The following PCDHA5 variants were observed in gnomAD, a reference collection of about 807,000 sequenced individuals.
PCDHA5 encodes protocadherin alpha-5.
PCDHA5 carries 43 observed loss-of-function variants against 61.6 expected under a neutral mutation model. The ratio of observed to expected loss-of-function variants is 0.70; its 90% confidence interval spans 0.55 to 0.90. The LOEUF is 0.90. Among genes scored for constraint, PCDHA5 ranks in the 40% least tolerant of loss-of-function variants. The pLI, the probability that PCDHA5 is intolerant of heterozygous loss-of-function variation, is 0.00. For missense variants in PCDHA5, 1,298 were observed against 1,222.7 expected, an observed-to-expected ratio of 1.06 and a Z score of -0.92; for synonymous variants, 627 against 543.9, an observed-to-expected ratio of 1.15 and a Z score of -2.13.
intron 1 of PCDHA5, chr5:140,829,783 G>C: frequency 1.9e-6 from 3 of 1,613,808 alleles, no homozygotes; most frequent in African/African-American, 1.3e-5. Context: ...ACGCGCCGGC[G>C]CTGCTGGCGC....
chr5:140,980,036 G>A (rs952735379), intron 2 of PCDHA5, among the ~76,000 whole-genome samples: 9 of 152,294 alleles, frequency 5.9e-5, no homozygotes, highest in Non-Finnish European at 1.0e-4. Flanking sequence ...ATTACATTGG[G>A]TGCTATTTCT....
chr5:140,876,967 G>A (rs200960356), intron 1 of PCDHA5: 7 of 1,612,934 alleles, frequency 4.3e-6, no homozygotes, highest in African/African-American at 2.7e-5. Context: ...GGAGCGGCGG[G>A]TGGGCGAGCA....
At chr5:140,941,401 C>T (rs1200707950) in intron 1 of PCDHA5, among the ~76,000 whole-genome samples, 1 of 149,796 alleles carries the variant, frequency 6.7e-6, no homozygotes, top group Non-Finnish European at 1.5e-5. Flanking sequence ...ACTGCAACCT[C>T]CGCCTCCCGG....
intron 3 of PCDHA5, among the ~76,000 whole-genome samples, chr5:140,990,780 GACGATGA>G (rs1554251732): frequency 6.6e-6 from 1 of 152,192 alleles, no homozygotes; most frequent in Non-Finnish European, 1.5e-5. Flanking sequence ...CTCTGTGTTG[GACGATGA>G]ACCATGGAAT....
At chr5:140,892,624 A>C (rs1041078923) in intron 1 of PCDHA5, among the ~76,000 whole-genome samples, 28 of 152,166 alleles carry the variant, frequency 1.8e-4, no homozygotes, top group Non-Finnish European at 3.2e-4. Flanking sequence ...CAGTTGGTAC[A>C]TAATAATTGT....
chr5:140,998,220 C>G (rs1554256199), intron 3 of PCDHA5, among the ~76,000 whole-genome samples: 1 of 152,106 alleles, frequency 6.6e-6, no homozygotes, highest in African/African-American at 2.4e-5. Context: ...ATAACCACAC[C>G]CAGAAATTTG....
At chr5:140,969,439 T>C (rs1554231802) in intron 1 of PCDHA5, 2 of 1,546,634 alleles carry the variant, frequency 1.3e-6, no homozygotes, top group Admixed American at 3.9e-5. Context: ...AAGAGTTATC[T>C]GGTAAACTGA....
chr5:140,933,306 G>A (rs1159375359), intron 1 of PCDHA5, among the ~76,000 whole-genome samples: 1 of 151,920 alleles, frequency 6.6e-6, no homozygotes, highest in African/African-American at 2.4e-5. Context: ...AAATAAATAT[G>A]CAATCTCGTA....
chr5:140,883,092 G>C (rs782675726), intron 1 of PCDHA5: 2 of 1,614,108 alleles, frequency 1.2e-6, no homozygotes, highest in Non-Finnish European at 1.7e-6. Flanking sequence ...GGTACAAATG[G>C]AGATATAGTT....
rs1554138958 is a variant in PCDHA5, at chr5:140,842,308, C to T, written c.2352+18181C>T. On this transcript the variant is annotated intron_variant, in intron 1 of 3. Coordinates refer to ENST00000529859, the MANE Select transcript of PCDHA5 (RefSeq NM_018908.3). ...ACGCCACGGACAAAGGCCATCCTCC[C>T]ATGGCGGGTCATTGCACCGTTTTAG... The T allele has an allele frequency of 3.1e-6, 5 of 1,607,710 alleles. No individual in the cohort carries two copies. The African/African-American group carries it at 5.4e-5, about 17-fold the overall frequency.
At chr5:140,982,317 AG>A in intron 2 of PCDHA5, 157 bp from the exon 3 acceptor site, 1 of 1,347,244 alleles carries the variant, frequency 7.4e-7, no homozygotes, top group East Asian at 2.5e-5. Flanking sequence ...CAGTTTATGC[AG>A]GGTGACTGCT....
At chr5:140,907,416 T>C (rs1209334366) in intron 1 of PCDHA5, among the ~76,000 whole-genome samples, 1 of 152,206 alleles carries the variant, frequency 6.6e-6, no homozygotes, top group East Asian at 1.9e-4. Flanking sequence ...ACCACGATGG[T>C]GGATAAGGCA....
At chr5:140,893,150 A>T (rs1398784015) in intron 1 of PCDHA5, among the ~76,000 whole-genome samples, 2 of 152,066 alleles carry the variant, frequency 1.3e-5, no homozygotes, top group African/African-American at 4.8e-5. Flanking sequence ...TCATCTGTTG[A>T]TGGATATTGA....
rs782607699 is a variant in PCDHA5, at chr5:140,926,577, C to A, written c.2353-52372C>A. ...CAGCCCGCTGCTACTGGAGACAGCA[C>A]CTCTCGCGCCCGGGCGGGCGGCCTC... On this transcript the variant is annotated intron_variant, in intron 1 of 3. Coordinates refer to ENST00000529859, the MANE Select transcript of PCDHA5 (RefSeq NM_018908.3). The A allele has an allele frequency of 2.5e-5, 7 of 275,464 alleles. No individual in the cohort carries two copies. In the Middle Eastern group the frequency reaches 3.1e-3, roughly 122 times the overall value. The allele number at this position is 275,464 out of a possible 1,614,324, so 17.1% of individuals were successfully genotyped here. A position where few individuals can be genotyped will look rare whatever the true frequency, so the allele number is the denominator to read the frequency against.
At chr5:140,964,866 C>A (rs2095858965) in intron 1 of PCDHA5, among the ~76,000 whole-genome samples, 1 of 152,132 alleles carries the variant, frequency 6.6e-6, no homozygotes, top group Non-Finnish European at 1.5e-5. Flanking sequence ...ACAAAGAGGA[C>A]AAATAAGAAG....
At chr5:140,902,203 C>CT (rs148688132) in intron 1 of PCDHA5, among the ~76,000 whole-genome samples, 2,237 of 124,430 alleles carry the variant, frequency 0.018, 39 homozygotes, top group East Asian at 0.05. Context: ...CTCTCTCTTT[C>CT]TTTTTTTTTT....
chr5:140,870,207 T>G, intron 1 of PCDHA5: 1 of 1,614,156 alleles, frequency 6.2e-7, no homozygotes, highest in Non-Finnish European at 8.5e-7. Flanking sequence ...GCACGGTCAT[T>G]GCCCTGATCA....
chr5:140,966,183 C>T (rs1399845859), intron 1 of PCDHA5: 1 of 195,556 alleles, frequency 5.1e-6, no homozygotes, highest in African/African-American at 2.3e-5. Flanking sequence ...AGCTGATAGC[C>T]AGACTTCTAG....
At chr5:140,972,001 A>G (rs2096512667) in intron 1 of PCDHA5, among the ~76,000 whole-genome samples, 1 of 152,202 alleles carries the variant, frequency 6.6e-6, no homozygotes, top group African/African-American at 2.4e-5. Context: ...CAATGTTTAT[A>G]TTCCCTTTTA....
Sources: allele counts gnomAD v4.1 joint callset (sites outside exome capture counted in the v4.1 genomes callset), GRCh38; gene constraint gnomAD v4.1.1; transcripts MANE v1.5; gene names NCBI Gene and HGNC (gene_info 2026-07-23, HGNC 2026-07-21).